The following TNRC6C variants were observed in gnomAD, a reference collection of about 807,000 sequenced individuals.
TNRC6C encodes trinucleotide repeat-containing gene 6C protein.
Under a neutral mutation model 153.7 loss-of-function variants are expected in TNRC6C, and 20 were observed. The ratio of observed to expected loss-of-function variants is 0.13; its 90% CI spans 0.09 to 0.19. The LOEUF is 0.19. Ranked by LOEUF, TNRC6C falls within the 10% of genes least tolerant of loss-of-function variation. The pLI, the probability that TNRC6C is intolerant of heterozygous loss-of-function variation, is 1.00. For synonymous variants in TNRC6C, 811 were observed against 841.4 expected, an observed-to-expected ratio of 0.96 and a Z score of 0.63; for missense variants, 1,987 against 2,172.0, an observed-to-expected ratio of 0.91 and a Z score of 1.69.
chr17:77,963,526 A>T (rs949624889), intron 1 of TNRC6C, among the ~76,000 whole-genome samples: 1 of 152,250 alleles, frequency 6.6e-6, no homozygotes, highest in Admixed American at 6.5e-5. Flanking sequence ...TTTTCAGAGA[A>T]TGAAGAAGCT....
At chr17:77,967,108 G>A (rs9895953) in intron 1 of TNRC6C, among the ~76,000 whole-genome samples, 2,327 of 152,250 alleles carry the variant, frequency 0.015, 70 homozygotes, top group African/African-American at 0.054. Context: ...GGTGATGAAT[G>A]AGGATCTTAG....
chr17:77,992,562 G>T (rs1042014908), intron 1 of TNRC6C, among the ~76,000 whole-genome samples: 6 of 151,694 alleles, frequency 4.0e-5, no homozygotes, highest in Non-Finnish European at 8.8e-5. Flanking sequence ...GGACTGTGTT[G>T]CCTTGGCCCC....
At chr17:77,977,304 G>A (rs2071015188) in intron 1 of TNRC6C, among the ~76,000 whole-genome samples, 1 of 152,106 alleles carries the variant, frequency 6.6e-6, no homozygotes, top group Non-Finnish European at 1.5e-5. Flanking sequence ...GACTTCTGCT[G>A]GTATAAATTT....
chr17:77,977,278 A>G (rs955536900), intron 1 of TNRC6C, among the ~76,000 whole-genome samples: 1 of 152,190 alleles, frequency 6.6e-6, no homozygotes, highest in African/African-American at 2.4e-5. Flanking sequence ...CTTCATATGT[A>G]GTAGATTTCT....
chr17:78,076,045 C>T (rs1283113270), intron 8 of TNRC6C, among the ~76,000 whole-genome samples: 5 of 151,668 alleles, frequency 3.3e-5, no homozygotes, highest in Non-Finnish European at 1.5e-5. Context: ...GGTGAAACCC[C>T]GTCTCTACTA....
chr17:78,022,632 T>C (rs1266612819), intron 1 of TNRC6C, among the ~76,000 whole-genome samples: 1 of 152,168 alleles, frequency 6.6e-6, no homozygotes, highest in African/African-American at 2.4e-5. Context: ...ACTGGATGAT[T>C]TCTAAGGTTC....
intron 1 of TNRC6C, among the ~76,000 whole-genome samples, chr17:77,975,852 A>G (rs185120247): frequency 6.6e-6 from 1 of 152,356 alleles, no homozygotes; most frequent in Admixed American, 6.5e-5. Flanking sequence ...GGAGAATCCT[A>G]TAAATTGAAT....
chr17:78,083,678 A>G (rs2073222558), intron 11 of TNRC6C, among the ~76,000 whole-genome samples: 1 of 152,250 alleles, frequency 6.6e-6, no homozygotes, highest in Non-Finnish European at 1.5e-5. Flanking sequence ...TTCTAGAAGC[A>G]CAGGAGAAAA....
chr17:78,036,242 T>G (rs193269996), intron 2 of TNRC6C, among the ~76,000 whole-genome samples: 1 of 152,290 alleles, frequency 6.6e-6, no homozygotes, highest in Admixed American at 6.5e-5. Context: ...CCCCCAGGTT[T>G]TAGTGTGCTT....
At chr17:78,077,285 G>C in exon 9 of TNRC6C, 4 of 1,590,534 alleles carry the variant, frequency 2.5e-6, no homozygotes, top group East Asian at 2.3e-5. Context: ...CAGGCCCTGG[G>C]TGGGATTGCC....
chr17:78,037,187 T>G (rs538546965), intron 2 of TNRC6C, among the ~76,000 whole-genome samples: 10 of 152,354 alleles, frequency 6.6e-5, no homozygotes, highest in African/African-American at 2.4e-4. Flanking sequence ...TCTTTTTCCT[T>G]TTCTTCCTAT....
At chr17:77,973,951 A>T (rs1233431315) in intron 1 of TNRC6C, among the ~76,000 whole-genome samples, 3 of 151,440 alleles carry the variant, frequency 2.0e-5, no homozygotes. Flanking sequence ...TCAAAATCCC[A>T]GAAGGCTTTT....
intron 10 of TNRC6C, among the ~76,000 whole-genome samples, chr17:78,082,595 G>T (rs1567957448): frequency 1.3e-5 from 2 of 152,310 alleles, no homozygotes; most frequent in South Asian, 2.1e-4. Context: ...TAACCCTAAA[G>T]AGACCTAGAA....
At chr17:77,993,079 C>T (rs1033071857) in intron 1 of TNRC6C, among the ~76,000 whole-genome samples, 1 of 152,168 alleles carries the variant, frequency 6.6e-6, no homozygotes, top group Non-Finnish European at 1.5e-5. Context: ...GATTCTCCTG[C>T]CTCAGCTTCC....
At chr17:78,026,845 T>C (rs1313327460) in intron 1 of TNRC6C, among the ~76,000 whole-genome samples, 1 of 152,066 alleles carries the variant, frequency 6.6e-6, no homozygotes, top group Non-Finnish European at 1.5e-5. Flanking sequence ...TGGTGACCGT[T>C]GGAATGAAAA....
intron 16 of TNRC6C, among the ~76,000 whole-genome samples, chr17:78,096,208 A>G (rs2073483445): frequency 6.6e-6 from 1 of 152,108 alleles, no homozygotes; most frequent in Non-Finnish European, 1.5e-5. Flanking sequence ...ACGGGAGCCC[A>G]ACACCGAGTT....
upstream of TNRC6C, among the ~76,000 whole-genome samples, chr17:77,999,675 C>T (rs759599976): frequency 1.3e-5 from 2 of 152,208 alleles, no homozygotes; most frequent in African/African-American, 4.8e-5. Context: ...GGAGGCTGTA[C>T]TTACCTGGGC....
chr17:77,959,745 A>G (rs1012995787), intron 1 of TNRC6C, among the ~76,000 whole-genome samples: 1 of 152,094 alleles, frequency 6.6e-6, no homozygotes, highest in African/African-American at 2.4e-5. Context: ...CTCTGAAATC[A>G]GGTGGATTTT....
chr17:78,097,236 A>AT (rs934168258), intron 16 of TNRC6C, among the ~76,000 whole-genome samples: 6 of 152,108 alleles, frequency 3.9e-5, no homozygotes, highest in Admixed American at 6.6e-5. Flanking sequence ...TTAAAAAAAA[A>AT]TTTTTTTTAA....
Sources: gnomAD v4.1 joint callset for allele counts (sites outside exome capture counted in the v4.1 genomes callset) on GRCh38, gnomAD v4.1.1 for gene constraint, MANE v1.5 for transcripts, NCBI Gene and HGNC (gene_info 2026-07-23, HGNC 2026-07-21) for gene names.